PTK2: variants seen among roughly 807,000 people sequenced by gnomAD.
PTK2 encodes the protein focal adhesion kinase 1.
PTK2 carries 45 observed loss-of-function variants against 150.1 expected under a neutral mutation model. That is an observed-to-expected ratio of 0.30 (90% CI 0.24 to 0.38). The LOEUF (loss-of-function observed/expected upper bound fraction) is 0.38, where lower values mean the gene tolerates loss of function less well. Ranked by LOEUF, PTK2 falls within the 10% of genes least tolerant of loss-of-function variation. The probability of loss-of-function intolerance (pLI) is 1.00; values close to 1 mark genes in which losing one functional copy is unlikely to be tolerated. For missense variants in PTK2, 919 were observed against 1,307.3 expected (o/e 0.70, Z 4.58); for synonymous variants, 432 against 449.2 (o/e 0.96, Z 0.48).
chr8:140,928,321 A>G (rs1222392564), intron 1 of PTK2, among the ~76,000 whole-genome samples: 1 of 152,202 alleles, frequency 6.6e-6, no homozygotes, highest in Non-Finnish European at 1.5e-5. Flanking sequence ...TTTGGCAAGG[A>G]TATGAAGAAA....
intron 26 of PTK2, among the ~76,000 whole-genome samples, chr8:140,690,272 G>A (rs2100022352): frequency 6.6e-6 from 1 of 152,110 alleles, no homozygotes; most frequent in African/African-American, 2.4e-5. Context: ...ATTTTTAAGA[G>A]ACAGGGTCTT....
chr8:140,900,541 G>A (rs2369410), intron 2 of PTK2, among the ~76,000 whole-genome samples: 67,727 of 151,678 alleles, frequency 0.45, 15,475 homozygotes, highest in Admixed American at 0.55. Context: ...CACCAACATG[G>A]CGAAACCCCA....
rs887716278 is a variant in PTK2, at chr8:140,673,387, C to A, written c.2709+911G>T. Among the ~76,000 whole-genome samples the A allele has an allele frequency of 1.1e-4, 17 of 152,142 alleles. No individual in the cohort carries two copies. The East Asian group carries it at 3.1e-3, about 28-fold the overall frequency. ...CCTCCCGAAATGCTGGGATTACAGG[C>A]ATGAGCCACCACACCTAGCTCAAGA... On this transcript the variant is annotated intron_variant, in intron 29 of 31. Coordinates refer to ENST00000522684, the Ensembl canonical transcript of PTK2.
chr8:140,680,673 C>T (rs540903538), intron 27 of PTK2, among the ~76,000 whole-genome samples: 1 of 152,122 alleles, frequency 6.6e-6, no homozygotes, highest in Non-Finnish European at 1.5e-5. Flanking sequence ...TATTTTCACA[C>T]CGATTCTCAC....
chr8:140,747,449 GGGAAGAGGA>G (rs2100059694), intron 17 of PTK2, among the ~76,000 whole-genome samples: 1 of 54,072 alleles, frequency 1.8e-5, no homozygotes, highest in African/African-American at 8.6e-5. Flanking sequence ...GAAAGGGGGG[GGGAAGAGGA>G]GGAGGAGGAG....
At chr8:140,765,350 T>C (rs60000563) in intron 14 of PTK2, 1 of 152,136 alleles carries the variant, frequency 6.6e-6, no homozygotes, top group Non-Finnish European at 1.5e-5. Context: ...TCAAAGCAAA[T>C]AGAGAATATA....
chr8:140,934,338 T>G (rs1603399180), intron 1 of PTK2, among the ~76,000 whole-genome samples: 1 of 152,006 alleles, frequency 6.6e-6, no homozygotes, highest in Non-Finnish European at 1.5e-5. Context: ...AGGACAGGAG[T>G]CTGAGGCTGT....
chr8:140,818,852 CCA>C (rs577812481), intron 9 of PTK2, 26 bp downstream of exon 9: 1 of 1,600,226 alleles, frequency 6.2e-7, no homozygotes, highest in African/African-American at 1.3e-5. Context: ...TCAAACTAGC[CCA>C]CTATTTCCCA....
Position 140,752,325 on chromosome 8 carries a change from G to C in PTK2, c.1333-9C>G, listed in dbSNP as rs1484038839. The C allele has an allele frequency of 1.2e-6, 2 of 1,611,742 alleles. No homozygotes were observed. Among genetic ancestry groups the C allele is most frequent in the Non-Finnish European group, 1.7e-6 (2 of 1,178,262 alleles). On this transcript the variant is annotated splice_polypyrimidine_tract_variant and intron_variant, in intron 16 of 31. Coordinates refer to ENST00000522684, the Ensembl canonical transcript of PTK2. Reference sequence around the variant, plus strand: ...GCCAAAGCTGGATTCTCCTGTGTTAGGGAAATTATAGAATCACACACACAT... The same window carrying C: ...GCCAAAGCTGGATTCTCCTGTGTTACGGAAATTATAGAATCACACACACAT...
intron 8 of PTK2, 41 bp from the exon 9 acceptor site, chr8:140,819,061 A>G (rs765127150): frequency 6.2e-7 from 1 of 1,602,438 alleles, no homozygotes; most frequent in Non-Finnish European, 8.5e-7. Flanking sequence ...AAAAATCAGC[A>G]ATGAGTAAAG....
intron 2 of PTK2, among the ~76,000 whole-genome samples, chr8:140,901,482 A>G (rs894429209): frequency 6.6e-6 from 1 of 152,182 alleles, no homozygotes; most frequent in East Asian, 1.9e-4. Context: ...CAAAGTAAAA[A>G]GACAACACAA....
intron 1 of PTK2, among the ~76,000 whole-genome samples, chr8:140,953,234 C>T (rs2100180099): frequency 6.6e-6 from 1 of 152,064 alleles, no homozygotes; most frequent in African/African-American, 2.4e-5. Context: ...GTACTTGGCG[C>T]TATATATACT....
intron 21 of PTK2, among the ~76,000 whole-genome samples, chr8:140,735,795 C>A (rs2154399226): frequency 6.6e-6 from 1 of 152,234 alleles, no homozygotes; most frequent in African/African-American, 2.4e-5. Flanking sequence ...TTTAATCCGC[C>A]CCACTTTGGT....
intron 14 of PTK2, 94 bp downstream of exon 16, chr8:140,769,481 A>C: frequency 2.3e-6 from 2 of 865,710 alleles, no homozygotes; most frequent in Non-Finnish European, 1.6e-6. Flanking sequence ...GTTGGATCAA[A>C]AGCACATTTT....
chr8:140,680,081 C>T (rs979706437), intron 27 of PTK2, among the ~76,000 whole-genome samples: 3 of 152,132 alleles, frequency 2.0e-5, no homozygotes, highest in African/African-American at 7.2e-5. Context: ...ACGACAGTAC[C>T]CGATGTGTCA....
At chr8:140,991,420 C>A (rs1461685253) in intron 1 of PTK2, among the ~76,000 whole-genome samples, 2 of 152,154 alleles carry the variant, frequency 1.3e-5, no homozygotes, top group Non-Finnish European at 2.9e-5. Context: ...ATTGTTCATT[C>A]AAATTCCAAA....
At chr8:140,800,335 C>A in intron 12 of PTK2, 124 bp downstream of exon 12, 1 of 812,064 alleles carries the variant, frequency 1.2e-6, no homozygotes, top group South Asian at 1.5e-5. Flanking sequence ...TTATACTGAG[C>A]TGAATTATTC....
chr8:140,863,210 A>G (rs1777023725), intron 5 of PTK2, among the ~76,000 whole-genome samples: 1 of 152,028 alleles, frequency 6.6e-6, no homozygotes, highest in African/African-American at 2.4e-5. Context: ...TTTTAGTTCA[A>G]TCTCTGGGTC....
intron 2 of PTK2, among the ~76,000 whole-genome samples, chr8:140,893,359 C>T (rs1568333125): frequency 6.6e-6 from 1 of 152,156 alleles, no homozygotes; most frequent in Admixed American, 6.5e-5. Context: ...GCAGCATTAT[C>T]CACAATACCG....
Sources: gnomAD v4.1 joint callset for allele counts (sites outside exome capture counted in the v4.1 genomes callset) on GRCh38, gnomAD v4.1.1 for gene constraint, MANE v1.5 for transcripts, NCBI Gene and HGNC (gene_info 2026-07-23, HGNC 2026-07-21) for gene names.